The following WT1 variants were observed in gnomAD, a reference collection of about 807,000 sequenced individuals.
WT1 encodes Wilms tumor protein.
In WT1, 8 loss-of-function variants were observed where a neutral mutation model predicts 60.8. That is an observed-to-expected ratio of 0.13 (90% CI 0.08 to 0.24). The LOEUF (loss-of-function observed/expected upper bound fraction) is 0.24, where lower values mean the gene tolerates loss of function less well. WT1 is among the 10% of genes least tolerant of loss of function. WT1 has a pLI of 1.00. For synonymous variants in WT1, 312 were observed against 297.1 expected (o/e 1.05, Z -0.52); for missense variants, 568 against 711.8 (o/e 0.80, Z 2.30).
intron 9 of WT1, 83 bp from the exon 10 acceptor site, chr11:32,389,262 C>T: frequency 1.2e-6 from 2 of 1,606,688 alleles, no homozygotes; most frequent in South Asian, 1.1e-5. Context: ...GTGAAGTCAT[C>T]ACAAGGCACC....
rs1417920234 is a variant in WT1 at position 32,435,231 on chromosome 11, T to C, written c.130A>G (p.Ile44Val). The change falls in exon 1 of 10, where the codon ATC becomes GTC. Residue 44 changes from isoleucine (I) to valine (V), a missense_variant. Transcript: ENST00000452863. ...TCGGCGGCGCCTAACTTGGCCCAGATGCCGCCCGGGTCCCGGACTCCCTGC... is the reference window on the plus strand; with the variant it reads ...TCGGCGGCGCCTAACTTGGCCCAGACGCCGCCCGGGTCCCGGACTCCCTGC... The C allele has an allele frequency of 2.0e-6, 3 of 1,535,586 alleles. No homozygotes were observed. The highest frequency in any genetic ancestry group is 2.6e-6 in the Non-Finnish European group (3 of 1,147,090).
At chr11:32,403,329 A>C (rs2132974868) in intron 5 of WT1, among the ~76,000 whole-genome samples, 1 of 152,218 alleles carries the variant, frequency 6.6e-6, no homozygotes, top group East Asian at 1.9e-4. Context: ...TCTCTAAATA[A>C]GTTTTTAAAA....
At chr11:32,407,304 A>T (rs1270787248) in intron 5 of WT1, among the ~76,000 whole-genome samples, 1 of 152,224 alleles carries the variant, frequency 6.6e-6, no homozygotes, top group Non-Finnish European at 1.5e-5. Context: ...TTCTTTAGAA[A>T]TGATTAACTT....
rs1852745312 is a variant in WT1 at position 32,418,298 on chromosome 11, A to T, written c.888-644T>A. Among the ~76,000 whole-genome samples, 3 of 151,312 alleles carry T rather than the reference A, an allele frequency of 2.0e-5. No individual in the cohort carries two copies. In the South Asian group the frequency reaches 6.2e-4, roughly 31 times the overall value. Reference sequence around the variant, plus strand: ...TAAGACTCTATGAGGGAAATGGCTTATCATTTACATTAAGACTCCAAAGAA... The same window carrying T: ...TAAGACTCTATGAGGGAAATGGCTTTTCATTTACATTAAGACTCCAAAGAA... On this transcript the variant is annotated intron_variant, in intron 3 of 9. Coordinates refer to ENST00000452863, the MANE Select transcript of WT1 (RefSeq NM_024426.6).
rs1851854411 is a variant in WT1 at position 32,392,760 on chromosome 11, G to A, written c.1265-5C>T. On this transcript the variant is annotated splice_region_variant and splice_polypyrimidine_tract_variant and intron_variant, in intron 7 of 9. Transcript: ENST00000452863. Reference sequence around the variant, plus strand: ...CACACTGGTATGGTTTCTCACCTTGGGGAAGACACATATTCTATTTGAAAA... The same window carrying A: ...CACACTGGTATGGTTTCTCACCTTGAGGAAGACACATATTCTATTTGAAAA... The A allele has an allele frequency of 1.2e-6, 2 of 1,613,386 alleles. No individual in the cohort carries two copies. The highest frequency in any genetic ancestry group is 2.2e-5 in the East Asian group (1 of 44,852).
intron 1 of WT1, 110 bp downstream of exon 1, chr11:32,434,590 C>T: frequency 6.4e-7 from 1 of 1,563,766 alleles, no homozygotes; most frequent in South Asian, 1.2e-5. Flanking sequence ...CCTTGGGAAG[C>T]AGCTGGGTAA....
At position 32,434,673 on chromosome 11, in the gene WT1, G is replaced by A. The variant is rs749940580; in HGVS notation, c.661+27C>T. ...AGTCCCTGGCGCCACTGCCCCGCGC[G>A]TAGGGGGCGCTCCCCGGCCTACTTA... On this transcript the variant is annotated intron_variant, in intron 1 of 9. Transcript: ENST00000452863. The A allele has an allele frequency of 4.8e-5, 78 of 1,612,300 alleles. No homozygotes were observed. In the South Asian group the frequency reaches 5.9e-4, roughly 12 times the overall value.
At chr11:32,424,326 CTT>C (rs1414155869) in intron 3 of WT1, among the ~76,000 whole-genome samples, 1 of 152,156 alleles carries the variant, frequency 6.6e-6, no homozygotes, top group Non-Finnish European at 1.5e-5. Context: ...TGCTGTGTGA[CTT>C]TGAGCAAGTT....
chr11:32,421,315 C>T (rs1393017637), intron 3 of WT1, among the ~76,000 whole-genome samples: 1 of 152,196 alleles, frequency 6.6e-6, no homozygotes, highest in African/African-American at 2.4e-5. Flanking sequence ...GTGCCACCAC[C>T]TCATTCCCAG....
intron 5 of WT1, among the ~76,000 whole-genome samples, chr11:32,409,248 A>C (rs1405204457): frequency 6.6e-6 from 1 of 152,190 alleles, no homozygotes; most frequent in Non-Finnish European, 1.5e-5. Flanking sequence ...TACCAGAAAT[A>C]ATTAAATATT....
rs1277548839 is a variant in WT1 at position 32,434,750 on chromosome 11, G to C, written c.611C>G (p.Ala204Gly). The C allele has an allele frequency of 1.2e-6, 2 of 1,612,802 alleles. No homozygotes were observed. The highest frequency in any genetic ancestry group is 2.7e-5 in the African/African-American group (2 of 74,942). Residue 204 changes from alanine to glycine, a missense_variant, in exon 1 of 10, where the codon GCG becomes GGG. Transcript: ENST00000452863. ...CTCGAGGCAGCTGGGCAGGTAGGGC[G>C]CGTTAGGAAACATCCTGGCCTGGCC...
Position 32,400,041 on chromosome 11 carries a change from G to A in WT1, c.1020C>T (p.His340=), listed in dbSNP as rs375114529. Residue 340 remains histidine (H), a synonymous_variant, in exon 6 of 10, where the codon CAC becomes CAT. Coordinates refer to ENST00000452863, the MANE Select transcript of WT1 (RefSeq NM_024426.6). ...GGTTATCGCTCTCGTACCCTGTGCT[G>A]TGGCTGCAAACACAAAGAAGGGAAA... is the stretch of plus-strand genomic sequence containing the variant. 8.1e-6 allele frequency: 13 copies of A among 1,614,098 alleles called. No homozygotes were observed. The African/African-American group carries it at 1.6e-4, about 20-fold the overall frequency.
intron 6 of WT1, among the ~76,000 whole-genome samples, chr11:32,397,709 G>A (rs1459939666): frequency 2.6e-5 from 4 of 152,104 alleles, no homozygotes; most frequent in Non-Finnish European, 5.9e-5. Context: ...TCTACCCCAT[G>A]CTTATGTTCT....
At chr11:32,412,873 G>A (rs1374215816) in intron 5 of WT1, among the ~76,000 whole-genome samples, 4 of 151,842 alleles carry the variant, frequency 2.6e-5, no homozygotes, top group African/African-American at 9.7e-5. Context: ...AATGAGTAAA[G>A]GGAGAAGGAG....
intron 7 of WT1, among the ~76,000 whole-genome samples, chr11:32,393,659 GTCC>G (rs1415470041): frequency 3.9e-5 from 6 of 152,184 alleles, no homozygotes; most frequent in Admixed American, 3.9e-4. Flanking sequence ...ACATCCTGAA[GTCC>G]TCCTTGCACT....
At chr11:32,397,911 A>G (rs2132947618) in intron 6 of WT1, among the ~76,000 whole-genome samples, 1 of 152,340 alleles carries the variant, frequency 6.6e-6, no homozygotes, top group Middle Eastern at 3.4e-3. Context: ...GGAGTGTTTT[A>G]GAGGCCATGG....
At chr11:32,434,618 G>A in intron 1 of WT1, 82 bp downstream of exon 1, 2 of 1,604,884 alleles carry the variant, frequency 1.2e-6, no homozygotes, top group Non-Finnish European at 1.7e-6. Flanking sequence ...GGTCAAAAGG[G>A]GTAGGAGAGG....
rs993630056 is a variant in WT1, at chr11:32,397,906, G to A, written c.1114-1499C>T. Among the ~76,000 whole-genome samples, 5 of 152,202 alleles carry A rather than the reference G, an allele frequency of 3.3e-5. No individual in the cohort carries two copies. The East Asian group carries it at 9.6e-4, about 29-fold the overall frequency. On this transcript the variant is annotated intron_variant, in intron 6 of 9. Transcript: ENST00000452863. ...ACTCAATACCTGTCTGGTCTGGAGT[G>A]TTTTAGAGGCCATGGCAAGTGAGCC...
chr11:32,399,160 AAAAAAAAAAAGAAAAAG>A (rs1852068001), intron 6 of WT1, among the ~76,000 whole-genome samples: 1 of 151,642 alleles, frequency 6.6e-6, no homozygotes, highest in Admixed American at 6.6e-5. Context: ...CCATCTCAAA[AAAAAAAAAAAGAAAAAG>A]AAAAAAAAAA....
Sources: allele counts gnomAD v4.1 joint callset (sites outside exome capture counted in the v4.1 genomes callset), GRCh38; gene constraint gnomAD v4.1.1; transcripts MANE v1.5; gene names NCBI Gene and HGNC (gene_info 2026-07-23, HGNC 2026-07-21).